The following PHF21B variants were observed in gnomAD, a reference collection of about 807,000 sequenced individuals.
The protein encoded by PHF21B is PHD finger protein 4.
In PHF21B, 22 loss-of-function variants were observed where a neutral mutation model predicts 62.2. The ratio of observed to expected loss-of-function variants is 0.35; its 90% confidence interval spans 0.25 to 0.51. PHF21B has a LOEUF of 0.51. Among genes scored for constraint, PHF21B ranks in the 20% least tolerant of loss-of-function variants. The pLI, the probability that PHF21B is intolerant of heterozygous loss-of-function variation, is 0.97. For missense variants in PHF21B, 701 were observed against 707.9 expected (o/e 0.99, Z 0.11); for synonymous variants, 341 against 314.7 (o/e 1.08, Z -0.88).
chr22:44,942,517 A>G (rs572169863), intron 2 of PHF21B, among the ~76,000 whole-genome samples: 1 of 152,284 alleles, frequency 6.6e-6, no homozygotes. Context: ...TGACCTGCCA[A>G]TGCTGGGAGG....
intron 2 of PHF21B, among the ~76,000 whole-genome samples, chr22:44,950,528 CAA>C (rs907483474): frequency 6.6e-5 from 10 of 152,190 alleles, no homozygotes; most frequent in African/African-American, 2.4e-4. Flanking sequence ...CAGACACAGT[CAA>C]CTAAGTGGTG....
At chr22:44,997,429 A>G (rs566809815) in intron 2 of PHF21B, among the ~76,000 whole-genome samples, 14 of 152,176 alleles carry the variant, frequency 9.2e-5, no homozygotes, top group South Asian at 8.3e-4. Context: ...AGGGAGGTGG[A>G]CGTGGGCAAT....
intron 8 of PHF21B, among the ~76,000 whole-genome samples, chr22:44,891,006 A>G (rs1357287799): frequency 6.6e-6 from 1 of 152,172 alleles, no homozygotes; most frequent in African/African-American, 2.4e-5. Context: ...TCTCCAGTGG[A>G]GTATGGAAGC....
intron 2 of PHF21B, among the ~76,000 whole-genome samples, chr22:45,006,899 G>A (rs1013341230): frequency 1.3e-5 from 2 of 151,644 alleles, no homozygotes; most frequent in Admixed American, 6.6e-5. Flanking sequence ...ATTCTACGCA[G>A]TGATTAAACA....
chr22:44,977,034 G>A (rs2072749651), intron 2 of PHF21B, among the ~76,000 whole-genome samples: 1 of 152,054 alleles, frequency 6.6e-6, no homozygotes, highest in Admixed American at 6.6e-5. Context: ...TAGGGAGGCT[G>A]ACCTGGGCCC....
chr22:44,916,575 C>G lies in PHF21B; in HGVS notation c.269G>C (p.Arg90Pro), dbSNP rs114778719. The G allele has an allele frequency of 1.9e-6, 3 of 1,606,558 alleles. No individual in the cohort carries two copies. Among genetic ancestry groups the G allele is most frequent in the Non-Finnish European group, 2.5e-6 (3 of 1,179,882 alleles). Reference protein sequence around the residue: ...DSLPVAPGRDRPPKQPPTFQK... With the variant: ...DSLPVAPGRDPPPKQPPTFQK... Reference sequence around the variant, plus strand: ...GAATGTTGGGGGCTGCTTGGGTGGCCGGTCCCGGCCCGGGGCAACGGGGAG... The same window carrying G: ...GAATGTTGGGGGCTGCTTGGGTGGCGGGTCCCGGCCCGGGGCAACGGGGAG... The change falls in exon 4 of 13, where the codon CGG becomes CCG. Residue 90 changes from arginine (R) to proline (P), a missense_variant. Arg to Pro is a moderately radical substitution (Grantham distance 103, BLOSUM62 -2). Transcript: ENST00000313237.
intron 2 of PHF21B, among the ~76,000 whole-genome samples, chr22:44,945,163 G>C (rs1457673435): frequency 6.6e-6 from 1 of 152,208 alleles, no homozygotes; most frequent in Non-Finnish European, 1.5e-5. Context: ...ACAAAAAGCT[G>C]CAGAAATCCT....
intron 2 of PHF21B, among the ~76,000 whole-genome samples, chr22:44,982,858 A>T (rs1016104223): frequency 2.6e-5 from 4 of 151,568 alleles, no homozygotes; most frequent in African/African-American, 9.7e-5. Flanking sequence ...AGGAGGAGCC[A>T]GAAGAAGGAA....
At chr22:44,984,125 CCAT>C (rs1433536350) in intron 2 of PHF21B, among the ~76,000 whole-genome samples, 5 of 141,282 alleles carry the variant, frequency 3.5e-5, no homozygotes, top group South Asian at 2.4e-4. Flanking sequence ...ACCACCATCA[CCAT>C]CATCATGATC....
intron 2 of PHF21B, among the ~76,000 whole-genome samples, chr22:44,925,977 T>C (rs1241163772): frequency 1.4e-5 from 1 of 69,998 alleles, no homozygotes; most frequent in African/African-American, 3.8e-5. Context: ...ATGAGCCAGA[T>C]TCCAGGTAAC....
intron 2 of PHF21B, among the ~76,000 whole-genome samples, chr22:44,965,669 C>T (rs558715868): frequency 6.6e-6 from 1 of 152,296 alleles, no homozygotes; most frequent in South Asian, 2.1e-4. Context: ...CTCCCTCGCC[C>T]TCCAGACCAG....
At chr22:44,952,344 A>T (rs1457068845) in intron 2 of PHF21B, among the ~76,000 whole-genome samples, 1 of 152,234 alleles carries the variant, frequency 6.6e-6, no homozygotes, top group Non-Finnish European at 1.5e-5. Flanking sequence ...ACTTTGTCTC[A>T]AAAAAGAAAA....
At chr22:44,996,270 C>T (rs757616089) in intron 2 of PHF21B, among the ~76,000 whole-genome samples, 12 of 152,118 alleles carry the variant, frequency 7.9e-5, no homozygotes, top group Non-Finnish European at 1.2e-4. Flanking sequence ...GCCACAGAGT[C>T]CCTGATGAGT....
At chr22:44,980,513 C>T (rs1473481075) in intron 2 of PHF21B, among the ~76,000 whole-genome samples, 1 of 152,172 alleles carries the variant, frequency 6.6e-6, no homozygotes, top group African/African-American at 2.4e-5. Context: ...ACAGAGCCAG[C>T]CCATAAGTAA....
At chr22:44,920,600 A>T in intron 2 of PHF21B, 110 bp from the exon 3 acceptor site, 2 of 546,718 alleles carry the variant, frequency 3.7e-6, no homozygotes, top group Non-Finnish European at 6.4e-6. Context: ...AGCAAATTCT[A>T]CTCTTCCCTT....
chr22:44,891,567 C>G (rs930027246), intron 7 of PHF21B, among the ~76,000 whole-genome samples: 132 of 152,192 alleles, frequency 8.7e-4, no homozygotes, highest in African/African-American at 3.2e-3. Context: ...CGGGGCGGGG[C>G]AGGGAAGTCG....
chr22:44,921,588 A>G (rs1328027053), intron 2 of PHF21B, among the ~76,000 whole-genome samples: 1 of 151,238 alleles, frequency 6.6e-6, no homozygotes, highest in East Asian at 1.9e-4. Context: ...GATGGTCTCA[A>G]TCTCCTGACC....
At chr22:44,941,500 C>T (rs1297235617) in intron 2 of PHF21B, among the ~76,000 whole-genome samples, 2 of 152,182 alleles carry the variant, frequency 1.3e-5, no homozygotes, top group Non-Finnish European at 2.9e-5. Context: ...GTAACAGCGG[C>T]GGAGGAGGTG....
chr22:45,009,659 G>C lies in PHF21B; in HGVS notation c.-110C>G. ...CGGGCGGACGCGGCCTCCGGGCTGG[G>C]TTGGGGGGGACACGAGCCCCCTCCC... On this transcript the variant is annotated 5_prime_UTR_variant, in exon 1 of 13. Coordinates refer to ENST00000313237, the MANE Select transcript of PHF21B (RefSeq NM_138415.5). This position sits in a 1 kb window ranked among gnomAD's most constrained non-coding sequence, Gnocchi z 5.9. 9.5e-7 allele frequency: 1 copy of C among 1,052,590 alleles called. No individual in the cohort carries two copies. The highest frequency in any genetic ancestry group is 1.7e-5 in the African/African-American group (1 of 58,938). 65.2% of individuals were successfully genotyped at this position (1,052,590 alleles called of 1,614,324 possible). A position where few individuals can be genotyped will look rare whatever the true frequency, so the allele number is the denominator to read the frequency against.
Sources: gnomAD v4.1 joint callset for allele counts (sites outside exome capture counted in the v4.1 genomes callset) on GRCh38, gnomAD v4.1.1 for gene constraint, Gnocchi (gnomAD v3.1) non-coding constraint, MANE v1.5 for transcripts, NCBI Gene and HGNC (gene_info 2026-07-23, HGNC 2026-07-21) for gene names.